The following GLUD1 variants were observed in gnomAD, a reference collection of about 807,000 sequenced individuals.
GLUD1 encodes glutamate dehydrogenase 1, mitochondrial.
In GLUD1, 22 loss-of-function variants were observed where a neutral mutation model predicts 56.0. The ratio of observed to expected loss-of-function variants is 0.39; its 90% CI spans 0.28 to 0.56. The LOEUF (loss-of-function observed/expected upper bound fraction) is 0.56, where lower values mean the gene tolerates loss of function less well. GLUD1 is among the 20% of genes least tolerant of loss of function. The pLI is 0.58. For synonymous variants in GLUD1, 223 were observed against 269.9 expected (o/e 0.83, Z 1.70); for missense variants, 451 against 732.0 (o/e 0.62, Z 4.43).
chr10:87,071,466 C>T (rs1448229278), intron 4 of GLUD1, among the ~76,000 whole-genome samples: 1 of 152,150 alleles, frequency 6.6e-6, no homozygotes, highest in Non-Finnish European at 1.5e-5. Flanking sequence ...GGATTACAGG[C>T]ATGAGCCACC....
chr10:87,092,558 G>A, intron 1 of GLUD1: 1 of 838,604 alleles, frequency 1.2e-6, no homozygotes, highest in Non-Finnish European at 1.4e-6. Context: ...AAACTGCTGT[G>A]GCAACAAGAG....
At chr10:87,074,487 C>CA (rs375835858) in intron 4 of GLUD1, 64 bp downstream of exon 4, 56,178 of 708,672 alleles carry the variant, frequency 0.079, no homozygotes, top group East Asian at 0.091. Context: ...GACTCCGTCT[C>CA]AAAAAAAAAA....
At chr10:87,065,080 G>C (rs987066309) in intron 5 of GLUD1, among the ~76,000 whole-genome samples, 8 of 151,898 alleles carry the variant, frequency 5.3e-5, no homozygotes, top group African/African-American at 1.7e-4. Flanking sequence ...CAGTATAGTT[G>C]CTTCACCTGA....
At chr10:87,084,076 T>C (rs1841327501) in intron 1 of GLUD1, among the ~76,000 whole-genome samples, 2 of 152,210 alleles carry the variant, frequency 1.3e-5, no homozygotes, top group Admixed American at 6.5e-5. Flanking sequence ...GCTGACAAAG[T>C]AATCTGTGCA....
At position 87,058,211 on chromosome 10, in the gene GLUD1, CTCAG is replaced by C. The variant is rs887373453; in HGVS notation, c.1403-433_1403-430del. On this transcript the variant is annotated intron_variant, in intron 10 of 12. Coordinates refer to ENST00000277865, the MANE Select transcript of GLUD1 (RefSeq NM_005271.5). Reference sequence around the variant, plus strand: ...ACATAAAAGGGTTAATCATTTAAAACTCAGTCAGGAAGGAATAAAACACATTGCC... The same window carrying C: ...ACATAAAAGGGTTAATCATTTAAAACTCAGGAAGGAATAAAACACATTGCC... Among the ~76,000 whole-genome samples the C allele has an allele frequency of 2.2e-4, 33 of 152,252 alleles. No homozygotes were observed. The South Asian group carries it at 2.9e-3, about 13-fold the overall frequency.
chr10:87,067,300 G>A (rs1247825863), intron 5 of GLUD1, among the ~76,000 whole-genome samples: 1 of 152,304 alleles, frequency 6.6e-6, no homozygotes, highest in East Asian at 1.9e-4. Flanking sequence ...GTGCTGTGGT[G>A]CAACCACAGC....
chr10:87,089,657 T>G (rs1841466713), intron 1 of GLUD1: 2 of 983,822 alleles, frequency 2.0e-6, no homozygotes, highest in Middle Eastern at 5.2e-4. Flanking sequence ...AATCGGAAGG[T>G]CTTGAGTAGC....
At chr10:87,070,261 T>G (rs988843381) in intron 4 of GLUD1, among the ~76,000 whole-genome samples, 1 of 151,654 alleles carries the variant, frequency 6.6e-6, no homozygotes, top group Non-Finnish European at 1.5e-5. Flanking sequence ...GAGACAAGCC[T>G]GGGCAACATA....
chr10:87,078,878 T>C (rs922813206), intron 1 of GLUD1, among the ~76,000 whole-genome samples: 2 of 152,190 alleles, frequency 1.3e-5, no homozygotes, highest in African/African-American at 2.4e-5. Flanking sequence ...TGGTAGTTCA[T>C]GCTTGTAATC....
intron 5 of GLUD1, among the ~76,000 whole-genome samples, chr10:87,063,314 C>T (rs1306713298): frequency 6.6e-6 from 1 of 151,826 alleles, no homozygotes; most frequent in Non-Finnish European, 1.5e-5. Flanking sequence ...CTCAAGTGAT[C>T]TCCCTGCCTT....
At chr10:87,061,817 T>C (rs1022844039) in intron 6 of GLUD1, among the ~76,000 whole-genome samples, 1 of 151,784 alleles carries the variant, frequency 6.6e-6, no homozygotes, top group African/African-American at 2.4e-5. Context: ...AGAGTCTGGC[T>C]CTGTCACCCA....
In GLUD1 at chr10:87,050,314, C is replaced by T. The variant is rs1845596962; in HGVS notation, c.*1437G>A. On this transcript the variant is annotated 3_prime_UTR_variant, in exon 13 of 13. Transcript: ENST00000277865. ...GAAGTTTCTCTGAACGTGTAAAGCA[C>T]CGAACAAAAAAAAAAAAAACAATTC... Among the ~76,000 whole-genome samples the T allele has an allele frequency of 6.7e-6, 1 of 148,540 alleles. No individual in the cohort carries two copies. Among genetic ancestry groups the T allele is most frequent in the African/African-American group, 2.5e-5 (1 of 40,154 alleles).
chr10:87,067,426 ATGT>A (rs1413667112), intron 5 of GLUD1, among the ~76,000 whole-genome samples: 2 of 152,158 alleles, frequency 1.3e-5, no homozygotes, highest in African/African-American at 4.8e-5. Context: ...GGGTTTCCCC[ATGT>A]TGTCCAGGCT....
Position 87,094,583 on chromosome 10 carries a change from C to A in GLUD1, c.187G>T (p.Asp63Tyr). ...YSEAVADREDDPNFFKMVEGF... is the reference protein window; with the variant it reads ...YSEAVADREDYPNFFKMVEGF... ...TCCACCATCTTGAAGAAGTTGGGGT[C>A]GTCCTCGCGGTCGGCCACCGCCTCG... Residue 63 changes from aspartate (D) to tyrosine (Y), a missense_variant, in exon 1 of 13, where the codon GAC (aspartate) becomes TAC (tyrosine). Asp to Tyr is a radical substitution (Grantham distance 160, BLOSUM62 -3). Transcript: ENST00000277865. The surrounding 1 kb of genome is among the most constrained non-coding windows in gnomAD (Gnocchi z 6.6). The A allele has an allele frequency of 6.2e-7, 1 of 1,611,490 alleles. No individual in the cohort carries two copies. The highest frequency in any genetic ancestry group is 8.5e-7 in the Non-Finnish European group (1 of 1,179,802).
chr10:87,074,921 A>C (rs1846344598), intron 3 of GLUD1, among the ~76,000 whole-genome samples: 1 of 152,206 alleles, frequency 6.6e-6, no homozygotes, highest in South Asian at 2.1e-4. Flanking sequence ...TAAATGGTGA[A>C]TTTTAAAGAG....
intron 5 of GLUD1, among the ~76,000 whole-genome samples, chr10:87,066,564 A>G (rs1846082100): frequency 6.6e-6 from 1 of 152,148 alleles, no homozygotes; most frequent in Non-Finnish European, 1.5e-5. Context: ...CTTCTGTTCC[A>G]AACACTTGCC....
chr10:87,061,779 C>A (rs375325387), intron 6 of GLUD1, among the ~76,000 whole-genome samples: 1 of 150,700 alleles, frequency 6.6e-6, no homozygotes, highest in Non-Finnish European at 1.5e-5. Context: ...TCATGCCCAG[C>A]TAATTTTTCT....
At chr10:87,075,296 A>G (rs1349420885) in intron 3 of GLUD1, among the ~76,000 whole-genome samples, 3 of 152,326 alleles carry the variant, frequency 2.0e-5, no homozygotes, top group East Asian at 1.9e-4. Context: ...AAATATGGGT[A>G]TAAGTGTCTA....
At chr10:87,093,050 C>A (rs907507660) in intron 1 of GLUD1, among the ~76,000 whole-genome samples, 10 of 152,146 alleles carry the variant, frequency 6.6e-5, no homozygotes, top group African/African-American at 2.2e-4. Context: ...TAATTAAGCT[C>A]CAAAGTTAAG....
Sources: gnomAD v4.1 joint callset for allele counts (sites outside exome capture counted in the v4.1 genomes callset) on GRCh38, gnomAD v4.1.1 for gene constraint, Gnocchi (gnomAD v3.1) non-coding constraint, MANE v1.5 for transcripts, NCBI Gene and HGNC (gene_info 2026-07-23, HGNC 2026-07-21) for gene names.